MROH2A: variants seen among roughly 807,000 people sequenced by gnomAD.
MROH2A encodes the protein maestro heat like repeat family member 2A, also known as maestro heat-like repeat-containing protein family member 2A.
A neutral mutation model predicts 200.4 loss-of-function variants in MROH2A; 174 were observed. That is an observed-to-expected ratio of 0.87 (90% CI 0.77 to 0.98). MROH2A has a LOEUF of 0.98. Ranked by LOEUF, MROH2A falls within the 50% of genes least tolerant of loss-of-function variation. The probability of loss-of-function intolerance (pLI) is 0.00; values close to 1 mark genes in which losing one functional copy is unlikely to be tolerated. For missense variants in MROH2A, 2,045 were observed against 2,139.6 expected, an observed-to-expected ratio of 0.96 and a Z score of 0.87; for synonymous variants, 829 against 840.4, an observed-to-expected ratio of 0.99 and a Z score of 0.23.
At chr2:233,802,719 G>A (rs1295242564) in intron 15 of MROH2A, among the ~76,000 whole-genome samples, 2 of 152,138 alleles carry the variant, frequency 1.3e-5, no homozygotes, top group African/African-American at 4.8e-5. Context: ...TCCACTCAGA[G>A]TGGGCACTGT....
chr2:233,799,995 A>G, intron 13 of MROH2A, 96 bp downstream of exon 13: 3 of 1,458,822 alleles, frequency 2.1e-6, no homozygotes, highest in South Asian at 1.3e-5. Context: ...ACCTGTGTTC[A>G]AACCTGCGTA....
At chr2:233,788,495 G>T (rs917103934) in intron 3 of MROH2A, among the ~76,000 whole-genome samples, 9 of 151,968 alleles carry the variant, frequency 5.9e-5, no homozygotes, top group Non-Finnish European at 2.9e-5. Context: ...ACACATTTGG[G>T]TGAATTCCTC....
intron 40 of MROH2A, 78 bp downstream of exon 40, chr2:233,832,357 G>A: frequency 7.7e-7 from 1 of 1,303,474 alleles, no homozygotes; most frequent in Non-Finnish European, 1.1e-6. Flanking sequence ...GGGGAAGGGT[G>A]GATCATGAGT....
At chr2:233,809,317 C>A (rs1391204389) in intron 22 of MROH2A, 39 bp downstream of exon 22, 2 of 1,540,444 alleles carry the variant, frequency 1.3e-6, no homozygotes, top group African/African-American at 1.4e-5. Flanking sequence ...TCTTCTGGAC[C>A]AGGCTGGTGG....
intron 6 of MROH2A, 44 bp downstream of exon 6, chr2:233,792,938 G>A (rs755076744): frequency 8.6e-5 from 132 of 1,538,854 alleles, no homozygotes; most frequent in East Asian, 8.1e-4. Context: ...CGATCAGGGC[G>A]CCGGAGGGAG....
chr2:233,782,959 A>C (rs1575891024), intron 3 of MROH2A, among the ~76,000 whole-genome samples: 1 of 151,990 alleles, frequency 6.6e-6, no homozygotes. Context: ...TTTTTTTAGC[A>C]TATATTGAAA....
chr2:233,799,609 T>G (rs1322349262), intron 12 of MROH2A, among the ~76,000 whole-genome samples, 171 bp from the exon 13 acceptor site: 1 of 151,900 alleles, frequency 6.6e-6, no homozygotes, highest in Non-Finnish European at 1.5e-5. Flanking sequence ...TGCTGCAGAG[T>G]GGGACCCCTG....
Position 233,789,539 on chromosome 2 carries a change from G to C in MROH2A, c.319G>C (p.Asp107His). The change falls in exon 4 of 42, where the codon GAC becomes CAC. Residue 107 changes from aspartate to histidine, a missense_variant. Coordinates refer to ENST00000389758, the MANE Select transcript of MROH2A (RefSeq NM_001394639.1). ...GGTCAACATTTACAACATCCTCCAG[G>C]ACATCATCCAGCAGGAGGGGGAGCT... ...RKVNIYNILQ[D>H]IIQQEGELEE... 6.7e-7 allele frequency: 1 copy of C among 1,482,420 alleles called. No individual in the cohort carries two copies. The highest frequency in any genetic ancestry group is 9.0e-7 in the Non-Finnish European group (1 of 1,115,916). 91.8% of individuals were successfully genotyped at this position (1,482,420 alleles called of 1,614,324 possible). A position where few individuals can be genotyped will look rare whatever the true frequency, so the allele number is the denominator to read the frequency against.
At position 233,828,726 on chromosome 2, in the gene MROH2A, C is replaced by T. The variant is rs7564261; in HGVS notation, c.4210C>T (p.Arg1404Trp). Residue 1404 changes from arginine to tryptophan, a missense_variant, in exon 36 of 42, where the codon CGG becomes TGG. Around this residue, in one of 3 missense-constraint regions of MROH2A, gnomAD observed 1,201 missense variants for 1,311.3 expected, o/e 0.92. Transcript: ENST00000389758. This position sits in a 1 kb window ranked among gnomAD's most constrained non-coding sequence, Gnocchi z 4.6. Reference sequence around the variant, plus strand: ...CGACCAGGAGGAAGACGAGGCCCTGCGGGTGCTGTCCCTGCGCGCCCTCGG... The same window carrying T: ...CGACCAGGAGGAAGACGAGGCCCTGTGGGTGCTGTCCCTGCGCGCCCTCGG... Reference protein sequence around the residue: ...GADQEEDEALRVLSLRALGNM... With the variant: ...GADQEEDEALWVLSLRALGNM... 4.1e-5 allele frequency: 63 copies of T among 1,550,438 alleles called. No homozygotes were observed. The highest frequency in any genetic ancestry group is 1.7e-4 in the Middle Eastern group (1 of 6,004).
chr2:233,798,961 C>A (rs1288989029), intron 12 of MROH2A, 111 bp downstream of exon 12: 1 of 857,094 alleles, frequency 1.2e-6, no homozygotes, highest in Non-Finnish European at 1.9e-6. Flanking sequence ...ACCCGGCTTT[C>A]CATCGGGTCT....
chr2:233,782,949 T>TC (rs1701019198), intron 3 of MROH2A, among the ~76,000 whole-genome samples: 1 of 7,084 alleles, frequency 1.4e-4, no homozygotes, highest in African/African-American at 4.0e-4. Context: ...TATCAAATAC[T>TC]TTTTTTAGCA....
chr2:233,819,070 C>T (rs954681605), intron 29 of MROH2A, among the ~76,000 whole-genome samples: 7 of 152,244 alleles, frequency 4.6e-5, no homozygotes, highest in Non-Finnish European at 7.3e-5. Context: ...AGGCCCTGCA[C>T]GTGGTGTGGG....
chr2:233,816,577 C>T (rs540017229), intron 26 of MROH2A, among the ~76,000 whole-genome samples: 1 of 152,300 alleles, frequency 6.6e-6, no homozygotes, highest in South Asian at 2.1e-4. Context: ...AATGCAACAG[C>T]CAAGCACCAT....
chr2:233,789,068 G>A (rs530006994), intron 3 of MROH2A, among the ~76,000 whole-genome samples: 115 of 151,532 alleles, frequency 7.6e-4, no homozygotes, highest in African/African-American at 2.5e-3. Context: ...TCCTAAACCA[G>A]GTCATTTTCA....
chr2:233,798,205 C>G (rs935724729), intron 11 of MROH2A, among the ~76,000 whole-genome samples: 1 of 152,184 alleles, frequency 6.6e-6, no homozygotes, highest in African/African-American at 2.4e-5. Context: ...GGTGTGCTGT[C>G]ATCAGTTGTA....
chr2:233,777,043 G>C (rs907254416), upstream of MROH2A, among the ~76,000 whole-genome samples: 1 of 152,210 alleles, frequency 6.6e-6, no homozygotes, highest in Admixed American at 6.5e-5. Context: ...TGAGATACAT[G>C]GGTGAGACTC....
chr2:233,832,161 CACTT>C lies in MROH2A; in HGVS notation c.4735-11_4735-8del, dbSNP rs1704805903. 13 of 1,410,860 alleles carry C rather than the reference CACTT, an allele frequency of 9.2e-6. No individual in the cohort carries two copies. Among genetic ancestry groups the C allele is most frequent in the Admixed American group, 2.0e-5 (1 of 48,976 alleles). The allele number at this position is 1,410,860 out of a possible 1,614,324, so 87.4% of individuals were successfully genotyped here. On this transcript the variant is annotated splice_polypyrimidine_tract_variant and intron_variant, in intron 39 of 41. Transcript: ENST00000389758. ...TCTCATCCTCCAAAGCTGTGTGTAT[CACTT>C]ACTTTTTGCAGACTCGGAAAAAGCC...
rs889903904 is a variant in MROH2A at position 233,829,014 on chromosome 2, G to A, written c.4388G>A (p.Gly1463Glu). 3.9e-6 allele frequency: 6 copies of A among 1,550,050 alleles called. No homozygotes were observed. The African/African-American group carries it at 6.8e-5, about 18-fold the overall frequency. ...AAGATCCTGGCTGAGCTCCGGGAAG[G>A]GGATGTGGGGTCCTCTTTCGACGCC... ...LTKILAELRE[G>E]DVGSSFDAMS... Residue 1463 changes from glycine to glutamate, a missense_variant, in exon 37 of 42, where the codon GGG becomes GAG. By Grantham distance (98) the Gly-to-Glu change is moderately conservative. Coordinates refer to ENST00000389758, the MANE Select transcript of MROH2A (RefSeq NM_001394639.1).
intron 9 of MROH2A, 101 bp from the exon 10 acceptor site, chr2:233,795,866 G>A (rs1702072176): frequency 6.5e-7 from 1 of 1,535,582 alleles, no homozygotes; most frequent in Non-Finnish European, 8.8e-7. Flanking sequence ...GATGGGGTAT[G>A]AGGCTGTGGT....
Sources: gnomAD v4.1 joint callset for allele counts (sites outside exome capture counted in the v4.1 genomes callset) on GRCh38, gnomAD v4.1.1 for gene constraint, gnomAD v4.1.1 regional missense constraint, Gnocchi (gnomAD v3.1) non-coding constraint, MANE v1.5 for transcripts, NCBI Gene and HGNC (gene_info 2026-07-23, HGNC 2026-07-21) for gene names.